Variants in IQSEC3 observed in about 807,000 individuals in gnomAD.
The protein encoded by IQSEC3 is IQ motif and SEC7 domain-containing protein 3.
IQSEC3 carries 50 observed loss-of-function variants against 105.4 expected under a neutral mutation model. That is an observed-to-expected ratio of 0.47 (90% CI 0.38 to 0.60). IQSEC3 has a LOEUF of 0.60. Among genes scored for constraint, IQSEC3 ranks in the 20% least tolerant of loss-of-function variants. The pLI, the probability that IQSEC3 is intolerant of heterozygous loss-of-function variation, is 0.00. For synonymous variants in IQSEC3, 708 were observed against 746.0 expected (o/e 0.95, Z 0.83); for missense variants, 1,415 against 1,630.0 (o/e 0.87, Z 2.27).
intron 2 of IQSEC3, among the ~76,000 whole-genome samples, chr12:100,125 C>T (rs1864375889): frequency 6.6e-6 from 1 of 152,150 alleles, no homozygotes; most frequent in Non-Finnish European, 1.5e-5. Context: ...ACTCCACTGC[C>T]CTGGGCCTCA....
At chr12:146,866 G>T (rs1866297409) in intron 5 of IQSEC3, among the ~76,000 whole-genome samples, 1 of 152,096 alleles carries the variant, frequency 6.6e-6, no homozygotes, top group Non-Finnish European at 1.5e-5. Flanking sequence ...CTTCAAAAGT[G>T]GTGTCTTTGG....
chr12:158,421 A>C (rs1229782557), intron 7 of IQSEC3, among the ~76,000 whole-genome samples: 4 of 151,972 alleles, frequency 2.6e-5, no homozygotes, highest in African/African-American at 9.7e-5. Flanking sequence ...CCAGACTGTG[A>C]GTGTGTAAGC....
intron 1 of IQSEC3, among the ~76,000 whole-genome samples, chr12:78,511 A>AAG (rs1863636121): frequency 6.6e-6 from 1 of 151,128 alleles, no homozygotes; most frequent in African/African-American, 2.5e-5. Flanking sequence ...TCAGCAAAAA[A>AAG]AAAAAATAAA....
In IQSEC3 at chr12:171,167, TG is replaced by T. The variant is rs1227271677; in HGVS notation, c.3114+8del. 3 of 1,614,064 alleles carry T rather than the reference TG, an allele frequency of 1.9e-6. No homozygotes were observed. Among genetic ancestry groups the T allele is most frequent in the Non-Finnish European group, 2.5e-6 (3 of 1,179,980 alleles). ...CGGCGGAGAGCACGGTGGAGGTAAG[TG>T]GAGCCCTGGTTGCCCAGGTGAGTGA... On this transcript the variant is annotated splice_region_variant and intron_variant, in intron 13 of 13. Transcript: ENST00000538872.
chr12:125,659 G>A lies in IQSEC3; in HGVS notation c.650G>A (p.Gly217Glu). The part of the protein sequence containing the change: ...QSDGSCTQAG[G>E]GMEDSVVAAA... ...GATGGCTCCTGCACCCAGGCCGGTG[G>A]GGGCATGGAGGACTCCGTGGTGGCA... The change falls in exon 3 of 14, where the codon GGG becomes GAG. Residue 217 changes from glycine (G) to glutamate (E), a missense_variant. Physicochemically the swap from Gly to Glu is moderately conservative, Grantham distance 98. Around this residue, in one of 6 missense-constraint regions of IQSEC3, gnomAD observed 720 missense variants for 633.0 expected, o/e 1.14. Coordinates refer to ENST00000538872, the MANE Select transcript of IQSEC3 (RefSeq NM_001170738.2). The A allele has an allele frequency of 2.0e-6, 3 of 1,525,266 alleles. No homozygotes were observed. Among genetic ancestry groups the A allele is most frequent in the African/African-American group, 1.4e-5 (1 of 70,488 alleles). 94.5% of individuals were successfully genotyped at this position (1,525,266 alleles called of 1,614,324 possible).
At chr12:171,431 G>A (rs1402504009) in intron 13 of IQSEC3, 36 of 1,005,894 alleles carry the variant, frequency 3.6e-5, no homozygotes, top group South Asian at 1.2e-4. Context: ...CAGTGGAGAC[G>A]GAGCTCACGG....
At chr12:122,400 G>GT (rs1865248832) in intron 2 of IQSEC3, among the ~76,000 whole-genome samples, 1 of 152,236 alleles carries the variant, frequency 6.6e-6, no homozygotes, top group Non-Finnish European at 1.5e-5. Flanking sequence ...TTGTGTGTGC[G>GT]TGAGTGTGTG....
intron 5 of IQSEC3, among the ~76,000 whole-genome samples, chr12:150,230 C>T (rs1362214675): frequency 2.0e-5 from 3 of 152,168 alleles, no homozygotes; most frequent in Admixed American, 1.3e-4. Context: ...ATTCAGAATA[C>T]GCGTGTGCTT....
chr12:89,186 A>G (rs567199387), intron 1 of IQSEC3, among the ~76,000 whole-genome samples: 17 of 151,548 alleles, frequency 1.1e-4, no homozygotes, highest in Non-Finnish European at 2.1e-4. Flanking sequence ...CCCACCCCCA[A>G]TTTTCTCATT....
intron 2 of IQSEC3, chr12:111,621 T>C (rs1864889373): frequency 6.6e-6 from 1 of 152,234 alleles, no homozygotes; most frequent in African/African-American, 2.4e-5. Context: ...TTTCCTACCT[T>C]GGCTCATGCG....
At position 93,452 on chromosome 12, in the gene IQSEC3, G is replaced by C. The variant is rs536189913; in HGVS notation, c.555-5694G>C. Among the ~76,000 whole-genome samples the C allele has an allele frequency of 1.3e-3, 200 of 152,288 alleles. 2 individuals carry two copies. Among genetic ancestry groups the C allele is most frequent in the African/African-American group, 4.5e-3 (188 of 41,558 alleles). ...TCACCTTGCCAGCCCCTGGTGTCCAGTGTCCATCTGCTATGGTGGCAGTGT... is the reference window on the plus strand; with the variant it reads ...TCACCTTGCCAGCCCCTGGTGTCCACTGTCCATCTGCTATGGTGGCAGTGT... On this transcript the variant is annotated intron_variant, in intron 1 of 13. Coordinates refer to ENST00000538872, the MANE Select transcript of IQSEC3 (RefSeq NM_001170738.2).
Position 157,730 on chromosome 12 carries a change from C to A in IQSEC3, c.2443+36C>A, listed in dbSNP as rs781882173. 4 of 1,591,290 alleles carry A rather than the reference C, an allele frequency of 2.5e-6. No homozygotes were observed. In the East Asian group the frequency reaches 9.0e-5, roughly 36 times the overall value. The stretch of plus-strand genomic sequence containing the variant: ...GGGCACTGGGGCAGGAGGGGCAAGG[C>A]CACGGCTCAGGCCCCATTCTGTGCA... On this transcript the variant is annotated intron_variant, in intron 7 of 13. Coordinates refer to ENST00000538872, the MANE Select transcript of IQSEC3 (RefSeq NM_001170738.2).
intron 1 of IQSEC3, among the ~76,000 whole-genome samples, chr12:82,093 G>C (rs1189389973): frequency 5.3e-5 from 8 of 152,206 alleles, no homozygotes; most frequent in Admixed American, 3.9e-4. Flanking sequence ...CTTTGATCCG[G>C]CTTGATTTAG....
chr12:87,275 T>C (rs965004293), intron 1 of IQSEC3, among the ~76,000 whole-genome samples: 1 of 152,120 alleles, frequency 6.6e-6, no homozygotes, highest in Non-Finnish European at 1.5e-5. Flanking sequence ...CGCCTCTCCA[T>C]GGAGTCATTT....
At chr12:77,364 T>C (rs1863574317) in intron 1 of IQSEC3, 1 of 971,748 alleles carries the variant, frequency 1.0e-6, no homozygotes, top group East Asian at 1.2e-4. Context: ...CCCCCAGCTA[T>C]AAGCTTGAAG....
At chr12:99,772 C>T (rs977041634) in intron 2 of IQSEC3, among the ~76,000 whole-genome samples, 3 of 152,166 alleles carry the variant, frequency 2.0e-5, no homozygotes, top group East Asian at 1.9e-4. Context: ...GAGCTTTCTC[C>T]TCTGTTTTTT....
intron 1 of IQSEC3, among the ~76,000 whole-genome samples, chr12:78,103 C>G (rs1477527060): frequency 6.6e-6 from 1 of 151,018 alleles, no homozygotes; most frequent in Non-Finnish European, 1.5e-5. Context: ...AAGGGAAGCG[C>G]GGCCCGGGCG....
chr12:135,088 C>A (rs1350663950), intron 3 of IQSEC3, among the ~76,000 whole-genome samples: 3 of 152,194 alleles, frequency 2.0e-5, no homozygotes, highest in Non-Finnish European at 2.9e-5. Flanking sequence ...CGAGATCGTG[C>A]CACTGCACTC....
At chr12:131,942 G>A (rs1555085230) in intron 3 of IQSEC3, among the ~76,000 whole-genome samples, 1 of 152,174 alleles carries the variant, frequency 6.6e-6, no homozygotes, top group Non-Finnish European at 1.5e-5. Flanking sequence ...GCTCGGTGCT[G>A]GACAGGATGA....
Sources: allele counts gnomAD v4.1 joint callset (sites outside exome capture counted in the v4.1 genomes callset), GRCh38; gene constraint gnomAD v4.1.1; regional missense constraint gnomAD v4.1.1; transcripts MANE v1.5; gene names NCBI Gene and HGNC (gene_info 2026-07-23, HGNC 2026-07-21).